The following MAP1B variants were observed in gnomAD, a reference collection of about 807,000 sequenced individuals.
MAP1B encodes the protein microtubule associated protein 1B.
MAP1B carries 12 observed loss-of-function variants against 176.1 expected under a neutral mutation model. That is an observed-to-expected ratio of 0.07 (90% CI 0.04 to 0.11). The LOEUF is 0.11. Among genes scored for constraint, MAP1B ranks in the 10% least tolerant of loss-of-function variants. MAP1B has a pLI of 1.00. For missense variants in MAP1B, 2,523 were observed against 2,990.5 expected (o/e 0.84, Z 3.65); for synonymous variants, 1,044 against 1,135.0 (o/e 0.92, Z 1.61).
At chr5:72,158,958 T>C (rs938472864) in intron 2 of MAP1B, among the ~76,000 whole-genome samples, 5 of 152,222 alleles carry the variant, frequency 3.3e-5, no homozygotes, top group Non-Finnish European at 5.9e-5. Flanking sequence ...AGTATCCACA[T>C]GCCAGGCTTC....
chr5:72,120,294 T>A (rs1453478717), intron 2 of MAP1B, among the ~76,000 whole-genome samples: 1 of 152,232 alleles, frequency 6.6e-6, no homozygotes, highest in Non-Finnish European at 1.5e-5. Flanking sequence ...GTACAGATTC[T>A]GGAGTCAAAC....
chr5:72,125,443 G>T (rs1190366674), intron 2 of MAP1B, among the ~76,000 whole-genome samples: 3 of 152,146 alleles, frequency 2.0e-5, no homozygotes, highest in Non-Finnish European at 4.4e-5. Flanking sequence ...TGTCCTGTTA[G>T]TGTCCTATTA....
In MAP1B at chr5:72,186,252, G is replaced by A. The variant is rs1241669588; in HGVS notation, c.370-362G>A. On this transcript the variant is annotated intron_variant, in intron 3 of 6. Transcript: ENST00000296755. This position sits in a 1 kb window ranked among gnomAD's most constrained non-coding sequence, Gnocchi z 4.3. ...TGGTTTCGCAGACCACGTGCTGCTAGCAGACATTTCTAACAGCTGTGGAAC... is the reference window on the plus strand; with the variant it reads ...TGGTTTCGCAGACCACGTGCTGCTAACAGACATTTCTAACAGCTGTGGAAC... Among the ~76,000 whole-genome samples, 1 of 152,188 alleles carries A rather than the reference G, an allele frequency of 6.6e-6. No homozygotes were observed. Among genetic ancestry groups the A allele is most frequent in the African/African-American group, 2.4e-5 (1 of 41,444 alleles).
At chr5:72,143,299 A>G (rs1745982257) in intron 2 of MAP1B, among the ~76,000 whole-genome samples, 1 of 152,236 alleles carries the variant, frequency 6.6e-6, no homozygotes, top group Non-Finnish European at 1.5e-5. Flanking sequence ...CAAGTGGCAA[A>G]CAAATACATT....
intron 2 of MAP1B, among the ~76,000 whole-genome samples, chr5:72,162,956 G>A (rs1231244082): frequency 6.6e-6 from 1 of 152,136 alleles, no homozygotes; most frequent in African/African-American, 2.4e-5. Flanking sequence ...TCGGCTGGGT[G>A]TGGGGGCTCA....
At chr5:72,164,268 C>T (rs1746386867) in intron 2 of MAP1B, among the ~76,000 whole-genome samples, 1 of 152,068 alleles carries the variant, frequency 6.6e-6, no homozygotes, top group Non-Finnish European at 1.5e-5. Context: ...TCATTTCATC[C>T]CAGAGACCTG....
intron 2 of MAP1B, among the ~76,000 whole-genome samples, chr5:72,168,183 G>A (rs1238248229): frequency 2.6e-5 from 4 of 152,170 alleles, no homozygotes; most frequent in Non-Finnish European, 4.4e-5. Context: ...TGGTGCCCTC[G>A]GCAACCTTAG....
chr5:72,201,349 C>A (rs1242871320), intron 5 of MAP1B, among the ~76,000 whole-genome samples: 1 of 152,240 alleles, frequency 6.6e-6, no homozygotes, highest in Non-Finnish European at 1.5e-5. Context: ...GCATGCCAAG[C>A]CTGGGTGACA....
At chr5:72,193,255 G>GTTTTTTCT (rs1554054786) in intron 4 of MAP1B, 2 of 407,462 alleles carry the variant, frequency 4.9e-6, no homozygotes, top group Non-Finnish European at 9.5e-6. Flanking sequence ...ACCCACCAAG[G>GTTTTTTCT]TTTTTTCTTT....
intron 2 of MAP1B, among the ~76,000 whole-genome samples, chr5:72,151,989 A>C (rs958673114): frequency 2.6e-5 from 4 of 152,182 alleles, no homozygotes; most frequent in African/African-American, 9.7e-5. Flanking sequence ...AACTTACATA[A>C]CCGTGCTACT....
chr5:72,153,244 T>C lies in MAP1B; in HGVS notation c.287-30499T>C, dbSNP rs1157793231. 2.0e-5 allele frequency among the ~76,000 whole-genome samples: 3 copies of C among 151,976 alleles called. No homozygotes were observed. In the East Asian group the frequency reaches 5.8e-4, roughly 30 times the overall value. On this transcript the variant is annotated intron_variant, in intron 2 of 6. Transcript: ENST00000296755. ...TGCTGGGTTACACAGCAGCAGATGG[T>C]GTTGCCCACCATGGGCAGAGATCTC...
At position 72,196,191 on chromosome 5, in the gene MAP1B, G is replaced by A. The variant is rs779591766; in HGVS notation, c.2836G>A (p.Ala946Thr). 4.3e-6 allele frequency: 7 copies of A among 1,613,492 alleles called. No homozygotes were observed. The highest frequency in any genetic ancestry group is 5.9e-6 in the Non-Finnish European group (7 of 1,179,992). The change falls in exon 5 of 7, where the codon GCA becomes ACA. Residue 946 changes from alanine to threonine, a missense_variant. Physicochemically the swap from Ala to Thr is moderately conservative, Grantham distance 58 (BLOSUM62 0). This residue lies in a region of MAP1B where 1,925 missense variants were observed against 2,126.0 expected (regional missense o/e 0.91). Transcript: ENST00000296755. This position sits in a 1 kb window ranked among gnomAD's most constrained non-coding sequence, Gnocchi z 5.3. ...SSETGDYEEKAETEEAEEPEE... is the reference protein window; with the variant it reads ...SSETGDYEEKTETEEAEEPEE... ...AGAGACTGGAGACTATGAAGAGAAG[G>A]CAGAAACTGAGGAGGCTGAGGAGCC...
intron 2 of MAP1B, among the ~76,000 whole-genome samples, chr5:72,135,642 CA>C (rs1745826089): frequency 6.6e-6 from 1 of 152,168 alleles, no homozygotes; most frequent in South Asian, 2.1e-4. Context: ...CAATAGTTCT[CA>C]GTTCTCCATA....
intron 4 of MAP1B, among the ~76,000 whole-genome samples, chr5:72,189,213 C>G (rs887280062): frequency 1.3e-5 from 2 of 152,162 alleles, no homozygotes; most frequent in Admixed American, 1.3e-4. Flanking sequence ...GTTTTGGAGT[C>G]TTAATCACTG....
chr5:72,125,224 A>G (rs542379451), intron 2 of MAP1B, among the ~76,000 whole-genome samples: 8 of 152,160 alleles, frequency 5.3e-5, no homozygotes, highest in East Asian at 1.9e-4. Context: ...TGGTGGTGCA[A>G]TTCAATTGAA....
chr5:72,187,622 C>T (rs1422654978), intron 4 of MAP1B, among the ~76,000 whole-genome samples: 1 of 152,152 alleles, frequency 6.6e-6, no homozygotes. Context: ...CTGTTTAAAA[C>T]TGTCTTTCTG....
rs1039021921 is a variant in MAP1B, at chr5:72,195,412, A to G, written c.2057A>G (p.Lys686Arg). The G allele has an allele frequency of 6.4e-7, 1 of 1,561,564 alleles. No individual in the cohort carries two copies. Among genetic ancestry groups the G allele is most frequent in the Admixed American group, 2.0e-5 (1 of 49,410 alleles). Residue 686 changes from lysine to arginine, a missense_variant, in exon 5 of 7, where the codon AAA becomes AGA. Transcript: ENST00000296755. Reference sequence around the variant, plus strand: ...GAAGAGGTGAAAAAAGAAGTCAAAAAAGAGATCAAGAAAGAAGAGAAAAAA... The same window carrying G: ...GAAGAGGTGAAAAAAGAAGTCAAAAGAGAGATCAAGAAAGAAGAGAAAAAA... ...KKEEVKKEVK[K>R]EIKKEEKKEP... is the part of the protein sequence containing the mutation.
chr5:72,175,008 T>TC (rs1371943555), intron 2 of MAP1B, among the ~76,000 whole-genome samples: 1 of 100,040 alleles, frequency 1.0e-5, no homozygotes, highest in Non-Finnish European at 2.0e-5. Context: ...CTTCCTTCCC[T>TC]CCCTCCCTTC....
chr5:72,174,907 C>T (rs1746619622), intron 2 of MAP1B, among the ~76,000 whole-genome samples: 1 of 141,552 alleles, frequency 7.1e-6, no homozygotes, highest in African/African-American at 2.6e-5. Context: ...CTCCCTCCCT[C>T]CTTCCTTCCC....
Sources: gnomAD v4.1 joint callset for allele counts (sites outside exome capture counted in the v4.1 genomes callset) on GRCh38, gnomAD v4.1.1 for gene constraint, gnomAD v4.1.1 regional missense constraint, Gnocchi (gnomAD v3.1) non-coding constraint, MANE v1.5 for transcripts, NCBI Gene and HGNC (gene_info 2026-07-23, HGNC 2026-07-21) for gene names.